The following GRIN2B variants were observed in gnomAD, a reference collection of about 807,000 sequenced individuals.
GRIN2B encodes glutamate ionotropic receptor NMDA type subunit 2B.
A neutral mutation model predicts 114.5 loss-of-function variants in GRIN2B; 5 were observed. That is an observed-to-expected ratio of 0.04 (90% CI 0.02 to 0.09). The LOEUF (loss-of-function observed/expected upper bound fraction) is 0.09. Among genes scored for constraint, GRIN2B ranks in the 10% least tolerant of loss-of-function variants. GRIN2B has a pLI of 1.00. For synonymous variants in GRIN2B, 787 were observed against 745.1 expected (o/e 1.06, Z -0.92); for missense variants, 1,108 against 1,943.5 (o/e 0.57, Z 8.08).
intron 3 of GRIN2B, among the ~76,000 whole-genome samples, chr12:13,799,703 G>T (rs774754976): frequency 1.1e-4 from 17 of 152,088 alleles, no homozygotes; most frequent in Admixed American, 4.6e-4. Context: ...AGGAGAGAGG[G>T]GGGGAAAGGA....
At chr12:13,603,545 C>T (rs144350822) in intron 10 of GRIN2B, among the ~76,000 whole-genome samples, 1 of 151,920 alleles carries the variant, frequency 6.6e-6, no homozygotes, top group Non-Finnish European at 1.5e-5. Flanking sequence ...ATATATTTGG[C>T]ATGATGCCTG....
At chr12:13,676,956 A>G (rs1950080450) in intron 4 of GRIN2B, among the ~76,000 whole-genome samples, 1 of 152,160 alleles carries the variant, frequency 6.6e-6, no homozygotes, top group South Asian at 2.1e-4. Context: ...AGTCAGACCA[A>G]TGAAACTGTC....
intron 3 of GRIN2B, among the ~76,000 whole-genome samples, chr12:13,846,301 C>A (rs1865471252): frequency 1.3e-5 from 2 of 152,194 alleles, no homozygotes; most frequent in Admixed American, 1.3e-4. Context: ...AAGCGAGTAG[C>A]AGCATACCAT....
At chr12:13,626,820 A>AACCTCCC (rs1949573500) in intron 5 of GRIN2B, among the ~76,000 whole-genome samples, 1 of 39,180 alleles carries the variant, frequency 2.6e-5, no homozygotes, top group Non-Finnish European at 4.8e-5. Flanking sequence ...CCTCCCCCCC[A>AACCTCCC]CCCTCCCCCC....
chr12:13,704,382 A>C (rs1043126866), intron 4 of GRIN2B, among the ~76,000 whole-genome samples: 2 of 152,208 alleles, frequency 1.3e-5, no homozygotes, highest in African/African-American at 4.8e-5. Flanking sequence ...CACTGCTTGA[A>C]TGGCCAATCC....
intron 5 of GRIN2B, among the ~76,000 whole-genome samples, chr12:13,623,041 A>T (rs1233212970): frequency 6.6e-6 from 1 of 152,210 alleles, no homozygotes; most frequent in African/African-American, 2.4e-5. Flanking sequence ...ATACATCTAC[A>T]TATATACAAA....
In GRIN2B at chr12:13,549,076, CTG is replaced by C. The variant is rs1222842246; in HGVS notation, c.*13705_*13706del. 6.6e-6 allele frequency: 1 copy of C among 152,052 alleles called. No homozygotes were observed. Among genetic ancestry groups the C allele is most frequent in the Non-Finnish European group, 1.5e-5 (1 of 68,014 alleles). 9.4% of individuals were successfully genotyped at this position (152,052 alleles called of 1,614,324 possible). ...CACTGTTTTTGGTTTAAGCATAATG[CTG>C]TGAGCCAAAATTTCTTCTGCAGCCC... is the stretch of plus-strand genomic sequence containing the variant. On this transcript the variant is annotated 3_prime_UTR_variant, in exon 14 of 14. Coordinates refer to ENST00000609686, the MANE Select transcript of GRIN2B (RefSeq NM_000834.5).
At position 13,976,955 on chromosome 12, in the gene GRIN2B, C is replaced by G. The variant is rs554155663; in HGVS notation, c.-19+2973G>C. Among the ~76,000 whole-genome samples, 13 of 152,268 alleles carry G rather than the reference C, an allele frequency of 8.5e-5. No homozygotes were observed. The East Asian group carries it at 2.5e-3, about 29-fold the overall frequency. ...CACCTCCCAGGTGCCCCCTGCCTCT[C>G]CCCACACAAGACTGGGTGAATGTAC... On this transcript the variant is annotated intron_variant, in intron 2 of 13. Coordinates refer to ENST00000609686, the MANE Select transcript of GRIN2B (RefSeq NM_000834.5).
chr12:13,590,607 C>T (rs1298648610), intron 10 of GRIN2B, among the ~76,000 whole-genome samples: 3 of 152,148 alleles, frequency 2.0e-5, no homozygotes, highest in Non-Finnish European at 4.4e-5. Flanking sequence ...CATAGTATTC[C>T]ATGGTGTGTA....
chr12:13,767,101 C>CA (rs1327484898), intron 3 of GRIN2B, among the ~76,000 whole-genome samples: 25 of 150,658 alleles, frequency 1.7e-4, no homozygotes, highest in East Asian at 1.2e-3. Context: ...CTAAAAAATA[C>CA]AAAAAAAAAT....
Position 13,865,667 on chromosome 12 carries a change from T to C in GRIN2B, c.411+131A>G. On this transcript the variant is annotated intron_variant, in intron 3 of 13. Transcript: ENST00000609686. ...GAGAGAAAAAAAAAGGATTAATTGCTGGCCTATCCACGCTGTCAATGCAAT... is the reference window on the plus strand; with the variant it reads ...GAGAGAAAAAAAAAGGATTAATTGCCGGCCTATCCACGCTGTCAATGCAAT... 4.9e-6 allele frequency: 4 copies of C among 817,046 alleles called. No individual in the cohort carries two copies. The South Asian group carries it at 5.4e-5, about 11-fold the overall frequency. The allele number at this position is 817,046 out of a possible 1,614,324, so 50.6% of individuals were successfully genotyped here.
At chr12:13,784,561 C>T (rs1298010788) in intron 3 of GRIN2B, among the ~76,000 whole-genome samples, 3 of 152,106 alleles carry the variant, frequency 2.0e-5, no homozygotes, top group Admixed American at 6.6e-5. Flanking sequence ...TCAATTTCCA[C>T]CCCCCTGCCC....
At chr12:13,786,959 A>G (rs1282600126) in intron 3 of GRIN2B, among the ~76,000 whole-genome samples, 1 of 146,166 alleles carries the variant, frequency 6.8e-6, no homozygotes, top group Non-Finnish European at 1.5e-5. Flanking sequence ...TTCAAAGGAG[A>G]AAAAAAAAAA....
chr12:13,709,438 C>G (rs1354893522), intron 4 of GRIN2B, among the ~76,000 whole-genome samples: 1 of 151,822 alleles, frequency 6.6e-6, no homozygotes, highest in Non-Finnish European at 1.5e-5. Context: ...ATGCTTTCAA[C>G]AAGTTAAAAT....
At chr12:13,858,131 A>T (rs1010412057) in intron 3 of GRIN2B, among the ~76,000 whole-genome samples, 9 of 152,232 alleles carry the variant, frequency 5.9e-5, no homozygotes, top group African/African-American at 2.2e-4. Flanking sequence ...CCTTGTCTCT[A>T]AAATAAAGAT....
intron 4 of GRIN2B, 144 bp from the exon 5 acceptor site, chr12:13,676,003 G>A (rs1455685866): frequency 4.5e-6 from 3 of 659,684 alleles, no homozygotes; most frequent in African/African-American, 1.8e-5. Context: ...GGTACTTCTT[G>A]AACTCGCATT....
chr12:13,964,797 T>G (rs1324501227), intron 2 of GRIN2B, among the ~76,000 whole-genome samples: 1 of 152,320 alleles, frequency 6.6e-6, no homozygotes, highest in Middle Eastern at 3.4e-3. Context: ...CAGCATGGAC[T>G]TCACAGGCTG....
intron 3 of GRIN2B, among the ~76,000 whole-genome samples, chr12:13,772,685 G>A (rs917074051): frequency 6.6e-6 from 1 of 152,152 alleles, no homozygotes; most frequent in African/African-American, 2.4e-5. Context: ...AGCAAGAAGA[G>A]GTAAGGCGGA....
chr12:13,591,638 G>C (rs1431190687), intron 10 of GRIN2B, among the ~76,000 whole-genome samples: 2 of 152,188 alleles, frequency 1.3e-5, no homozygotes, highest in South Asian at 4.2e-4. Context: ...ATCTAGCCTG[G>C]AGAATGCCAC....
Sources: gnomAD v4.1 joint callset for allele counts (sites outside exome capture counted in the v4.1 genomes callset) on GRCh38, gnomAD v4.1.1 for gene constraint, MANE v1.5 for transcripts, NCBI Gene and HGNC (gene_info 2026-07-23, HGNC 2026-07-21) for gene names.